Variants in LRRC42 observed in about 807,000 individuals in gnomAD.
The protein encoded by LRRC42 is leucine-rich repeat-containing protein 42.
Under a neutral mutation model 44.3 loss-of-function variants are expected in LRRC42, and 43 were observed. That is an observed-to-expected ratio of 0.97 (90% CI 0.76 to 1.25). LRRC42 has a LOEUF of 1.25. Among genes scored for constraint, LRRC42 ranks in the 50% most tolerant of loss-of-function variants. The pLI, the probability that LRRC42 is intolerant of heterozygous loss-of-function variation, is 0.00. For missense variants in LRRC42, 540 were observed against 509.1 expected, an observed-to-expected ratio of 1.06 and a Z score of -0.58; for synonymous variants, 207 against 195.2, an observed-to-expected ratio of 1.06 and a Z score of -0.50.
chr1:53,965,573 G>A (rs943782157), intron 7 of LRRC42, among the ~76,000 whole-genome samples: 2 of 150,254 alleles, frequency 1.3e-5, no homozygotes, highest in African/African-American at 2.5e-5. Context: ...TCTGCCTCCC[G>A]GGTTCACGCC....
In LRRC42 at chr1:53,962,341, G is replaced by A; in HGVS notation, c.859G>A (p.Val287Ile). The change falls in exon 7 of 9, where the codon GTT becomes ATT. Residue 287 changes from valine (V) to isoleucine (I), a missense_variant. Val to Ile is a conservative substitution (Grantham distance 29). Transcript: ENST00000371370. ...KHKLQTHIGL[V>I]HSKVPLKEFD... ...CAAGCTCCAGACCCACATAGGCCTT[G>A]TTCACTCCAAAGTGCCTTTGAAGGA... is the stretch of plus-strand genomic sequence containing the variant. The A allele has an allele frequency of 1.9e-6, 3 of 1,614,204 alleles. No individual in the cohort carries two copies. Among genetic ancestry groups the A allele is most frequent in the Non-Finnish European group, 2.5e-6 (3 of 1,180,018 alleles).
chr1:53,957,588 G>A (rs1391328197), intron 3 of LRRC42, among the ~76,000 whole-genome samples: 2 of 152,194 alleles, frequency 1.3e-5, no homozygotes, highest in Admixed American at 1.3e-4. Flanking sequence ...TAGCAGTCTT[G>A]CTGTACATAC....
intron 8 of LRRC42, 105 bp from the exon 9 acceptor site, chr1:53,967,560 T>C (rs909310871): frequency 6.5e-6 from 7 of 1,082,628 alleles, no homozygotes; most frequent in South Asian, 4.4e-5. Flanking sequence ...AATGCAGATA[T>C]CACCCTGTTT....
In LRRC42 at chr1:53,968,004, G is replaced by A; in HGVS notation, c.*65G>A. On this transcript the variant is annotated 3_prime_UTR_variant, in exon 9 of 9. Transcript: ENST00000371370. ...TAGTGTTTGAGTAAAGGAGACTGAG[G>A]ATGATTTACTTTTTGTTTGAATTTA... 2 of 1,515,528 alleles carry A rather than the reference G, an allele frequency of 1.3e-6. No individual in the cohort carries two copies. The highest frequency in any genetic ancestry group is 1.8e-6 in the Non-Finnish European group (2 of 1,121,482). The allele number at this position is 1,515,528 out of a possible 1,614,324, so 93.9% of individuals were successfully genotyped here.
chr1:53,962,157 A>G, intron 6 of LRRC42, 35 bp downstream of exon 6: 2 of 1,563,302 alleles, frequency 1.3e-6, no homozygotes, highest in Non-Finnish European at 1.8e-6. Context: ...ATTTTTCTAG[A>G]CTCAACAATT....
intron 3 of LRRC42, among the ~76,000 whole-genome samples, chr1:53,953,953 G>A (rs771830386): frequency 2.0e-5 from 3 of 151,158 alleles, no homozygotes; most frequent in Non-Finnish European, 2.9e-5. Flanking sequence ...GGCTTATCTC[G>A]AACTCCTGAC....
chr1:53,947,880 G>A (rs1654564569), intron 2 of LRRC42, 59 bp downstream of exon 2: 1 of 151,802 alleles, frequency 6.6e-6, no homozygotes, highest in African/African-American at 2.4e-5. Context: ...CATATTTTTA[G>A]TCTTGAGAAA....
At chr1:53,963,494 C>G (rs1182055313) in intron 7 of LRRC42, among the ~76,000 whole-genome samples, 1 of 152,208 alleles carries the variant, frequency 6.6e-6, no homozygotes, top group Non-Finnish European at 1.5e-5. Context: ...CCTAAAGCAA[C>G]TTTCAGTCTC....
In LRRC42 at chr1:53,962,082, G is replaced by C. The variant is rs916116028; in HGVS notation, c.773G>C (p.Arg258Thr). The stretch of plus-strand genomic sequence containing the variant: ...GGCATTGGATACCTCTTTTCTTTTA[G>C]GAAACTAAACTGCTTAGATATCTCT... ...DAGIGYLFSF[R>T]KLNCLDISGT... is the part of the protein sequence containing the mutation. Residue 258 changes from arginine (R) to threonine (T), a missense_variant, in exon 6 of 9, where the codon AGG (arginine) becomes ACG (threonine). Coordinates refer to ENST00000371370, the MANE Select transcript of LRRC42 (RefSeq NM_001256409.2). The C allele has an allele frequency of 1.2e-6, 2 of 1,613,960 alleles. No individual in the cohort carries two copies. Among genetic ancestry groups the C allele is most frequent in the African/African-American group, 1.3e-5 (1 of 75,018 alleles).
intron 3 of LRRC42, among the ~76,000 whole-genome samples, chr1:53,955,409 A>G (rs1475615612): frequency 2.0e-5 from 3 of 151,196 alleles, no homozygotes; most frequent in Admixed American, 2.0e-4. Context: ...TGATTCTCCC[A>G]CCTCAGCCTC....
chr1:53,967,286 G>A (rs915121976), intron 8 of LRRC42, among the ~76,000 whole-genome samples: 1 of 152,106 alleles, frequency 6.6e-6, no homozygotes, highest in Non-Finnish European at 1.5e-5. Context: ...TCATTTTTGT[G>A]GCCTTTAGTG....
rs1654901762 is a variant in LRRC42 at position 53,958,342 on chromosome 1, C to G, written c.605+62C>G. 3 of 1,587,750 alleles carry G rather than the reference C, an allele frequency of 1.9e-6. No homozygotes were observed. The South Asian group carries it at 3.4e-5, about 18-fold the overall frequency. On this transcript the variant is annotated intron_variant, in intron 4 of 8. Coordinates refer to ENST00000371370, the MANE Select transcript of LRRC42 (RefSeq NM_001256409.2). Reference sequence around the variant, plus strand: ...AGTATTGTTTTAAAGGCTGATCCAACAGGATTATCTTCAGGAATGCTGATT... The same window carrying G: ...AGTATTGTTTTAAAGGCTGATCCAAGAGGATTATCTTCAGGAATGCTGATT...
intron 3 of LRRC42, among the ~76,000 whole-genome samples, chr1:53,953,368 G>GT (rs1048041486): frequency 2.7e-5 from 4 of 150,912 alleles, no homozygotes; most frequent in African/African-American, 7.3e-5. Context: ...ATTTTTTTTT[G>GT]TTTTTTTTGA....
intron 4 of LRRC42, 64 bp from the exon 5 acceptor site, chr1:53,960,292 T>G: frequency 9.0e-7 from 1 of 1,116,540 alleles, no homozygotes; most frequent in Non-Finnish European, 1.3e-6. Flanking sequence ...TGAAAGCATG[T>G]TTTTATACCT....
At chr1:53,956,078 G>A (rs12070914) in intron 3 of LRRC42, among the ~76,000 whole-genome samples, 1 of 152,160 alleles carries the variant, frequency 6.6e-6, no homozygotes, top group African/African-American at 2.4e-5. Flanking sequence ...GGTTGCATTT[G>A]CAATCCAGGG....
chr1:53,952,337 A>G lies in LRRC42; in HGVS notation c.338A>G (p.Gln113Arg). ...HIDSLIGFPE[Q>R]IAEKLFSAAE... The stretch of plus-strand genomic sequence containing the variant: ...GATTCCCTTATTGGCTTTCCTGAGC[A>G]GATTGCTGAAAAGCTGTTCTCTGCT... The change falls in exon 3 of 9, where the codon CAG (glutamine) becomes CGG (arginine). Residue 113 changes from glutamine (Q) to arginine (R), a missense_variant. Transcript: ENST00000371370. The G allele has an allele frequency of 8.1e-6, 13 of 1,614,202 alleles. No homozygotes were observed. Among genetic ancestry groups the G allele is most frequent in the Non-Finnish European group, 1.1e-5 (13 of 1,179,998 alleles).
At position 53,952,485 on chromosome 1, in the gene LRRC42, A is replaced by G. The variant is rs112025336; in HGVS notation, c.473+13A>G. The G allele has an allele frequency of 1.1e-4, 178 of 1,572,880 alleles. 1 individual carries two copies. In the African/African-American group the frequency reaches 1.9e-3, roughly 17 times the overall value. On this transcript the variant is annotated intron_variant, in intron 3 of 8. Transcript: ENST00000371370. ...GTTTGCGAAACAGGTGGGTGTTCTGATTAGATTATTCGGTATTTTATTGGG... is the reference window on the plus strand; with the variant it reads ...GTTTGCGAAACAGGTGGGTGTTCTGGTTAGATTATTCGGTATTTTATTGGG...
chr1:53,962,888 C>G (rs1433451593), intron 7 of LRRC42, among the ~76,000 whole-genome samples: 1 of 152,172 alleles, frequency 6.6e-6, no homozygotes, highest in Non-Finnish European at 1.5e-5. Flanking sequence ...CCTTCTCTCA[C>G]TGAGTCTTAA....
intron 7 of LRRC42, 135 bp from the exon 8 acceptor site, chr1:53,966,161 T>C: frequency 1.5e-6 from 1 of 653,112 alleles, no homozygotes; most frequent in Non-Finnish European, 2.7e-6. Flanking sequence ...TTCTTATTCT[T>C]ATCACCAGTC....
Sources: allele counts gnomAD v4.1 joint callset (sites outside exome capture counted in the v4.1 genomes callset), GRCh38; gene constraint gnomAD v4.1.1; transcripts MANE v1.5; gene names NCBI Gene and HGNC (gene_info 2026-07-23, HGNC 2026-07-21).